Variants in MAMDC2 observed in about 807,000 individuals in gnomAD.
The protein encoded by MAMDC2 is MAM domain-containing protein 2.
In MAMDC2, 57 loss-of-function variants were observed where a neutral mutation model predicts 89.8. The ratio of observed to expected loss-of-function variants is 0.63; its 90% CI spans 0.51 to 0.79. The LOEUF (loss-of-function observed/expected upper bound fraction) is 0.79, where lower values mean the gene tolerates loss of function less well. MAMDC2 is among the 30% of genes least tolerant of loss of function. The pLI is 0.00. For missense variants in MAMDC2, 800 were observed against 820.6 expected (o/e 0.97, Z 0.31); for synonymous variants, 313 against 293.4 (o/e 1.07, Z -0.68).
chr9:70,083,201 A>G (rs935983907), intron 2 of MAMDC2, among the ~76,000 whole-genome samples: 25 of 152,278 alleles, frequency 1.6e-4, no homozygotes, highest in African/African-American at 5.5e-4. Context: ...TCAGATATGA[A>G]TGGGTGGTTT....
chr9:70,110,869 T>C (rs537418259), intron 4 of MAMDC2, among the ~76,000 whole-genome samples: 1 of 152,096 alleles, frequency 6.6e-6, no homozygotes, highest in South Asian at 2.1e-4. Flanking sequence ...GGCAGTAGAA[T>C]TGAGAGATTT....
chr9:70,218,395 G>T lies in MAMDC2; in HGVS notation c.1710G>T (p.Leu570Phe). Residue 570 changes from leucine to phenylalanine, a missense_variant, in exon 12 of 14, where the codon TTG becomes TTT. By Grantham distance (22) the Leu-to-Phe change is conservative (BLOSUM62 0). Transcript: ENST00000377182. ...HMVYGQKARL[L>F]SRPLRGVSGK... The stretch of plus-strand genomic sequence containing the variant: ...TGTATGGACAAAAAGCACGCCTCTT[G>T]TCCAGGCCTCTGCGAGGAGTCTCTG... The T allele has an allele frequency of 6.2e-7, 1 of 1,614,192 alleles. No individual in the cohort carries two copies. The highest frequency in any genetic ancestry group is 8.5e-7 in the Non-Finnish European group (1 of 1,180,020).
chr9:70,092,827 G>A (rs188720476), intron 2 of MAMDC2: 135 of 152,176 alleles, frequency 8.9e-4, no homozygotes, highest in African/African-American at 3.1e-3. Flanking sequence ...GATATCATGA[G>A]GTTTACCTTC....
intron 8 of MAMDC2, 127 bp downstream of exon 8, chr9:70,140,415 TCAG>T: frequency 1.0e-6 from 1 of 973,722 alleles, no homozygotes; most frequent in Non-Finnish European, 1.5e-6. Flanking sequence ...GCAAAGACAA[TCAG>T]TAGTCTTGTG....
intron 2 of MAMDC2, among the ~76,000 whole-genome samples, chr9:70,090,031 A>G (rs1827853489): frequency 6.6e-6 from 1 of 152,196 alleles, no homozygotes; most frequent in Admixed American, 6.5e-5. Context: ...CATGGATGAC[A>G]GATATCCAGT....
chr9:70,170,581 A>G lies in MAMDC2; in HGVS notation c.1601A>G (p.Glu534Gly). The change falls in exon 11 of 14, where the codon GAA becomes GGA. Residue 534 changes from glutamate (E) to glycine (G), a missense_variant. Transcript: ENST00000377182. ...NRSSWHRRRG[E>G]TPTSYTGPKG... ...AGCAGCTGGCACAGGAGGAGGGGAGAAACTCCCACTTCCTACACAGGACCA... is the reference window on the plus strand; with the variant it reads ...AGCAGCTGGCACAGGAGGAGGGGAGGAACTCCCACTTCCTACACAGGACCA... 6.2e-7 allele frequency: 1 copy of G among 1,612,732 alleles called. No individual in the cohort carries two copies. The highest frequency in any genetic ancestry group is 1.1e-5 in the South Asian group (1 of 90,886).
intron 11 of MAMDC2, among the ~76,000 whole-genome samples, chr9:70,196,906 A>T (rs1213289100): frequency 2.0e-5 from 3 of 152,136 alleles, no homozygotes; most frequent in African/African-American, 7.2e-5. Context: ...CATGGGTGAC[A>T]GTCATCTTGA....
At chr9:70,152,345 C>G (rs894348359) in intron 9 of MAMDC2, among the ~76,000 whole-genome samples, 4 of 152,126 alleles carry the variant, frequency 2.6e-5, no homozygotes, top group African/African-American at 9.7e-5. Context: ...GAGATATTAT[C>G]ACAGCCTCCA....
chr9:70,208,484 G>A (rs1331153989), intron 11 of MAMDC2, among the ~76,000 whole-genome samples: 1 of 152,138 alleles, frequency 6.6e-6, no homozygotes, highest in Non-Finnish European at 1.5e-5. Context: ...CATTGATTTT[G>A]TATCCTGAGA....
chr9:70,186,202 C>T (rs2032751823), intron 11 of MAMDC2, among the ~76,000 whole-genome samples: 1 of 152,116 alleles, frequency 6.6e-6, no homozygotes, highest in African/African-American at 2.4e-5. Flanking sequence ...CCCCATTCAT[C>T]TTCATTCCTT....
chr9:70,104,631 A>G (rs566680709), intron 2 of MAMDC2, among the ~76,000 whole-genome samples: 1 of 152,366 alleles, frequency 6.6e-6, no homozygotes, highest in South Asian at 2.1e-4. Context: ...ATTCTAATAT[A>G]TGCTACAACA....
In MAMDC2 at chr9:70,151,325, T is replaced by C. The variant is rs138994390; in HGVS notation, c.1404+7506T>C. ...ACATCCAAATCTGAAATGATCTCATTTGTTTATTTGTTACTTGTTTATTGT... is the reference window on the plus strand; with the variant it reads ...ACATCCAAATCTGAAATGATCTCATCTGTTTATTTGTTACTTGTTTATTGT... On this transcript the variant is annotated intron_variant, in intron 9 of 13. Transcript: ENST00000377182. Among the ~76,000 whole-genome samples the C allele has an allele frequency of 3.7e-3, 564 of 152,338 alleles. 2 individuals are homozygous for C. Among genetic ancestry groups the C allele is most frequent in the African/African-American group, 0.013 (521 of 41,584 alleles).
intron 11 of MAMDC2, among the ~76,000 whole-genome samples, chr9:70,193,809 A>G (rs944105957): frequency 1.3e-5 from 2 of 152,096 alleles, no homozygotes; most frequent in Non-Finnish European, 1.5e-5. Flanking sequence ...TTCTGAAGAT[A>G]TACCTGTATT....
chr9:70,122,266 G>A (rs1384124785), intron 5 of MAMDC2, among the ~76,000 whole-genome samples: 1 of 152,220 alleles, frequency 6.6e-6, no homozygotes, highest in Admixed American at 6.5e-5. Flanking sequence ...GGCAGATCAT[G>A]TTGTGTTTTC....
chr9:70,063,914 C>T (rs2118047069), intron 2 of MAMDC2, among the ~76,000 whole-genome samples: 1 of 152,160 alleles, frequency 6.6e-6, no homozygotes, highest in East Asian at 1.9e-4. Context: ...AGCCTGTTCT[C>T]TTTTAGATGT....
chr9:70,134,377 C>T (rs2030927526), intron 7 of MAMDC2, among the ~76,000 whole-genome samples: 1 of 150,692 alleles, frequency 6.6e-6, no homozygotes, highest in African/African-American at 2.4e-5. Context: ...CCCTGCACAA[C>T]CACATCTGTC....
At chr9:70,070,657 T>C (rs144996291) in intron 2 of MAMDC2, among the ~76,000 whole-genome samples, 2 of 152,300 alleles carry the variant, frequency 1.3e-5, no homozygotes, top group East Asian at 1.9e-4. Flanking sequence ...ATCTATGATA[T>C]AGTCTTGTGG....
intron 2 of MAMDC2, among the ~76,000 whole-genome samples, chr9:70,098,789 T>C (rs1281333250): frequency 3.9e-5 from 6 of 152,210 alleles, no homozygotes; most frequent in Non-Finnish European, 8.8e-5. Flanking sequence ...ACTAGCTGTT[T>C]CCTTGAACTG....
intron 11 of MAMDC2, among the ~76,000 whole-genome samples, chr9:70,211,748 T>G (rs1277115871): frequency 2.0e-5 from 3 of 152,232 alleles, no homozygotes; most frequent in African/African-American, 7.2e-5. Context: ...TTTCTCCCTA[T>G]CTTTGTGGTT....
Sources: allele counts gnomAD v4.1 joint callset (sites outside exome capture counted in the v4.1 genomes callset), GRCh38; gene constraint gnomAD v4.1.1; transcripts MANE v1.5; gene names NCBI Gene and HGNC (gene_info 2026-07-23, HGNC 2026-07-21).